The following NRG3 variants were observed in gnomAD, a reference collection of about 807,000 sequenced individuals.
The protein encoded by NRG3 is pro-neuregulin-3, membrane-bound isoform.
A neutral mutation model predicts 66.9 loss-of-function variants in NRG3; 31 were observed. That is an observed-to-expected ratio of 0.46 (90% CI 0.35 to 0.63). The LOEUF (loss-of-function observed/expected upper bound fraction) is 0.63. Among genes scored for constraint, NRG3 ranks in the 20% least tolerant of loss-of-function variants. NRG3 has a pLI of 0.00. For synonymous variants in NRG3, 393 were observed against 359.4 expected (o/e 1.09, Z -1.06); for missense variants, 910 against 878.9 (o/e 1.04, Z -0.45).
chr10:82,670,259 T>C (rs2053161354), intron 2 of NRG3, among the ~76,000 whole-genome samples: 1 of 152,088 alleles, frequency 6.6e-6, no homozygotes, highest in African/African-American at 2.4e-5. Flanking sequence ...CTGTTTTTTT[T>C]CTATCTCTCC....
intron 2 of NRG3, among the ~76,000 whole-genome samples, chr10:82,704,798 A>G (rs2056162839): frequency 6.6e-6 from 1 of 152,208 alleles, no homozygotes; most frequent in African/African-American, 2.4e-5. Flanking sequence ...GTCCATTTGT[A>G]AAGAATTTGT....
At chr10:82,788,689 T>C (rs1391746666) in intron 3 of NRG3, among the ~76,000 whole-genome samples, 2 of 152,132 alleles carry the variant, frequency 1.3e-5, no homozygotes, top group East Asian at 1.9e-4. Context: ...TTAAAAAATA[T>C]ACATATGTTA....
intron 2 of NRG3, among the ~76,000 whole-genome samples, chr10:82,544,740 T>A (rs964507994): frequency 6.6e-6 from 1 of 152,190 alleles, no homozygotes; most frequent in Non-Finnish European, 1.5e-5. Context: ...CAAAACCATC[T>A]AATTTACTAC....
At chr10:82,775,187 G>A (rs2059865394) in intron 3 of NRG3, among the ~76,000 whole-genome samples, 1 of 150,258 alleles carries the variant, frequency 6.7e-6, no homozygotes, top group South Asian at 2.1e-4. Context: ...GTTCCTAGAG[G>A]CATAATATAG....
chr10:82,562,501 T>C, intron 2 of NRG3, among the ~76,000 whole-genome samples: 1 of 152,216 alleles, frequency 6.6e-6, no homozygotes, highest in South Asian at 2.1e-4. Context: ...AAAGTAATTG[T>C]AGAGACAAAA....
At chr10:82,317,628 C>T (rs12252411) in intron 1 of NRG3, among the ~76,000 whole-genome samples, 2,691 of 152,306 alleles carry the variant, frequency 0.018, 72 homozygotes, top group African/African-American at 0.06. Context: ...ATAGGCTCTC[C>T]ATACTGCTTC....
chr10:82,383,532 T>G (rs954159670), intron 2 of NRG3, among the ~76,000 whole-genome samples: 1 of 152,074 alleles, frequency 6.6e-6, no homozygotes, highest in Non-Finnish European at 1.5e-5. Context: ...TGAAAGTACT[T>G]AACACCATGA....
chr10:82,621,516 C>A (rs572731295), intron 2 of NRG3, among the ~76,000 whole-genome samples: 2 of 152,190 alleles, frequency 1.3e-5, no homozygotes, highest in Non-Finnish European at 2.9e-5. Context: ...ATAAGCAGTG[C>A]GTGTTGGCTG....
intron 1 of NRG3, among the ~76,000 whole-genome samples, chr10:81,896,419 G>C (rs1348167470): frequency 6.6e-6 from 1 of 152,130 alleles, no homozygotes; most frequent in Non-Finnish European, 1.5e-5. Flanking sequence ...CTGGTGCTCA[G>C]TGCTTAGTAA....
At chr10:82,159,438 G>A (rs2071413081) in intron 1 of NRG3, among the ~76,000 whole-genome samples, 1 of 151,770 alleles carries the variant, frequency 6.6e-6, no homozygotes, top group Admixed American at 6.6e-5. Context: ...CTTTTCTGTT[G>A]TTCCATCTAT....
At chr10:82,071,078 C>T (rs567748450) in intron 1 of NRG3, among the ~76,000 whole-genome samples, 4 of 152,038 alleles carry the variant, frequency 2.6e-5, no homozygotes, top group Admixed American at 6.6e-5. Context: ...CCCGATAGTA[C>T]CCTGTAAACT....
In NRG3 at chr10:82,750,790, G is replaced by T. The variant is rs564509128; in HGVS notation, c.1027+12140G>T. 2.6e-5 allele frequency among the ~76,000 whole-genome samples: 4 copies of T among 152,192 alleles called. No individual in the cohort carries two copies. In the South Asian group the frequency reaches 8.3e-4, roughly 32 times the overall value. ...TGATATGGGCCAACCAAATTTTCTT[G>T]CAATAGGAAACTTTTTAATATTTAT... is the stretch of plus-strand genomic sequence containing the variant. On this transcript the variant is annotated intron_variant, in intron 3 of 8. Transcript: ENST00000372141.
chr10:82,440,415 A>G (rs2090376379), intron 2 of NRG3, among the ~76,000 whole-genome samples: 2 of 110,476 alleles, frequency 1.8e-5, no homozygotes, highest in Non-Finnish European at 3.8e-5. Flanking sequence ...TGTATGCTAT[A>G]CTTTTGGGCT....
chr10:82,869,560 C>G (rs902893400), intron 4 of NRG3, among the ~76,000 whole-genome samples: 3 of 111,536 alleles, frequency 2.7e-5, no homozygotes, highest in Non-Finnish European at 5.8e-5. Flanking sequence ...AACCACTGGT[C>G]TTTTTTATTT....
rs536597910 is a variant in NRG3, at chr10:82,574,732, G to A, written c.954-163845G>A. ...ATACTATTCAGCCTTACAAAAGAAGGGATTTGTGTCATTTTGATACCATAG... is the reference window on the plus strand; with the variant it reads ...ATACTATTCAGCCTTACAAAAGAAGAGATTTGTGTCATTTTGATACCATAG... On this transcript the variant is annotated intron_variant, in intron 2 of 8. Transcript: ENST00000372141. Among the ~76,000 whole-genome samples, 9 of 151,728 alleles carry A rather than the reference G, an allele frequency of 5.9e-5. No individual in the cohort carries two copies. The South Asian group carries it at 1.9e-3, about 31-fold the overall frequency.
intron 4 of NRG3, among the ~76,000 whole-genome samples, chr10:82,873,320 T>A (rs546528175): frequency 3.1e-4 from 47 of 152,164 alleles, no homozygotes; most frequent in Non-Finnish European, 5.6e-4. Flanking sequence ...AAAATATATA[T>A]CTTAAATTCA....
Position 82,521,168 on chromosome 10 carries a change from CAAT to C in NRG3, c.953+162303_953+162305del, listed in dbSNP as rs1223183991. On this transcript the variant is annotated intron_variant, in intron 2 of 8. Transcript: ENST00000372141. Reference sequence around the variant, plus strand: ...ACTATACTGTCGTTTATTAAATGTGCAATAACGTTATGTGTACAAAAAATACCT... The same window carrying C: ...ACTATACTGTCGTTTATTAAATGTGCAACGTTATGTGTACAAAAAATACCT... Among the ~76,000 whole-genome samples, 361 of 152,154 alleles carry C rather than the reference CAAT, an allele frequency of 2.4e-3. 2 individuals are homozygous for C. Among genetic ancestry groups the C allele is most frequent in the African/African-American group, 8.4e-3 (348 of 41,512 alleles).
chr10:82,059,969 G>A (rs2064054889), intron 1 of NRG3, among the ~76,000 whole-genome samples: 1 of 152,126 alleles, frequency 6.6e-6, no homozygotes, highest in Admixed American at 6.5e-5. Context: ...TCTGCCACTT[G>A]CACGGCCCTG....
At chr10:82,625,022 CT>C (rs1490983688) in intron 2 of NRG3, among the ~76,000 whole-genome samples, 2 of 151,130 alleles carry the variant, frequency 1.3e-5, no homozygotes, top group African/African-American at 4.9e-5. Flanking sequence ...CGTTAAAGAT[CT>C]TTCCTATTCT....
Sources: allele counts gnomAD v4.1 joint callset (sites outside exome capture counted in the v4.1 genomes callset), GRCh38; gene constraint gnomAD v4.1.1; transcripts MANE v1.5; gene names NCBI Gene and HGNC (gene_info 2026-07-23, HGNC 2026-07-21).